PCDHGA3: variants seen among roughly 807,000 people sequenced by gnomAD.
PCDHGA3 encodes the protein protocadherin gamma-A3.
In PCDHGA3, 40 loss-of-function variants were observed where a neutral mutation model predicts 58.5. That is an observed-to-expected ratio of 0.68 (90% CI 0.53 to 0.89). The LOEUF (loss-of-function observed/expected upper bound fraction) is 0.89, where lower values mean the gene tolerates loss of function less well. PCDHGA3 is among the 40% of genes least tolerant of loss of function. PCDHGA3 has a pLI of 0.00. For synonymous variants in PCDHGA3, 530 were observed against 525.7 expected (o/e 1.01, Z -0.11); for missense variants, 1,223 against 1,195.9 (o/e 1.02, Z -0.33).
chr5:141,372,098 G>C (rs2149999180), intron 1 of PCDHGA3: 1 of 1,613,794 alleles, frequency 6.2e-7, no homozygotes, highest in Middle Eastern at 1.7e-4. Flanking sequence ...CAGCTCTGGG[G>C]CCCGAAGGCT....
At chr5:141,397,462 G>A (rs1415733475) in intron 1 of PCDHGA3, among the ~76,000 whole-genome samples, 1 of 152,152 alleles carries the variant, frequency 6.6e-6, no homozygotes, top group Non-Finnish European at 1.5e-5. Context: ...TAGAAATATT[G>A]GGGAGTTGGA....
At chr5:141,499,606 C>T (rs2099792968) in intron 2 of PCDHGA3, among the ~76,000 whole-genome samples, 1 of 152,028 alleles carries the variant, frequency 6.6e-6, no homozygotes, top group African/African-American at 2.4e-5. Context: ...TATCCCTACC[C>T]TTATCCTGTC....
At chr5:141,384,593 C>A (rs1449911634) in intron 1 of PCDHGA3, 3 of 1,614,252 alleles carry the variant, frequency 1.9e-6, no homozygotes, top group South Asian at 1.1e-5. Context: ...ATCCTGTACC[C>A]GGCCCTCCCC....
At chr5:141,384,596 C>T in intron 1 of PCDHGA3, 1 of 1,614,240 alleles carries the variant, frequency 6.2e-7, no homozygotes. Context: ...CTGTACCCGG[C>T]CCTCCCCACA....
intron 3 of PCDHGA3, among the ~76,000 whole-genome samples, chr5:141,510,329 A>T (rs1433056614): frequency 2.7e-5 from 4 of 150,230 alleles, no homozygotes; most frequent in Admixed American, 2.7e-4. Flanking sequence ...AGCACTCTTC[A>T]CCCCCACCCC....
At chr5:141,352,676 T>A (rs1759076682) in intron 1 of PCDHGA3, 2 of 1,573,452 alleles carry the variant, frequency 1.3e-6, no homozygotes, top group Non-Finnish European at 1.7e-6. Flanking sequence ...GCACGTGAGT[T>A]TCTGCAAATC....
At chr5:141,455,534 A>G (rs985347185) in intron 1 of PCDHGA3, among the ~76,000 whole-genome samples, 1 of 152,178 alleles carries the variant, frequency 6.6e-6, no homozygotes, top group Non-Finnish European at 1.5e-5. Flanking sequence ...GACCAGGCAT[A>G]TCATTCACGT....
intron 1 of PCDHGA3, chr5:141,372,054 G>A (rs377450479): frequency 3.1e-6 from 5 of 1,613,396 alleles, no homozygotes; most frequent in Middle Eastern, 1.7e-4. Context: ...GTTGGTGGAC[G>A]ACCGCAACGA....
At chr5:141,506,597 C>T (rs937487600) in intron 3 of PCDHGA3, among the ~76,000 whole-genome samples, 4 of 152,150 alleles carry the variant, frequency 2.6e-5, no homozygotes, top group Admixed American at 6.5e-5. Context: ...ACAGTATTAA[C>T]GGATCTCATT....
At chr5:141,502,864 G>GTTTTTTTT in intron 2 of PCDHGA3, among the ~76,000 whole-genome samples, 3 of 61,566 alleles carry the variant, frequency 4.9e-5, no homozygotes, top group African/African-American at 2.4e-4. Context: ...CTGACTCTCT[G>GTTTTTTTT]TCTTTTTTTT....
In PCDHGA3 at chr5:141,476,141, G is replaced by A. The variant is rs1011341002; in HGVS notation, c.2425-18666G>A. On this transcript the variant is annotated intron_variant, in intron 1 of 3. Coordinates refer to ENST00000253812, the MANE Select transcript of PCDHGA3 (RefSeq NM_018916.4). This position sits in a 1 kb window ranked among gnomAD's most constrained non-coding sequence, Gnocchi z 7.6. ...GATGGTCCCAGAGGCCTGGAGGAGCGGACTGGTAAGCACCGGGAGGGTAGT... is the reference window on the plus strand; with the variant it reads ...GATGGTCCCAGAGGCCTGGAGGAGCAGACTGGTAAGCACCGGGAGGGTAGT... 5.6e-6 allele frequency: 9 copies of A among 1,609,928 alleles called. No homozygotes were observed. Among genetic ancestry groups the A allele is most frequent in the Non-Finnish European group, 7.6e-6 (9 of 1,178,880 alleles).
chr5:141,416,458 G>A (rs1391820726), intron 1 of PCDHGA3: 1 of 152,194 alleles, frequency 6.6e-6, no homozygotes, highest in Non-Finnish European at 1.5e-5. Flanking sequence ...TGGGAAGACA[G>A]ATAAATTTGT....
At chr5:141,483,812 A>C (rs1188806533) in intron 1 of PCDHGA3, among the ~76,000 whole-genome samples, 2 of 152,162 alleles carry the variant, frequency 1.3e-5, no homozygotes, top group Non-Finnish European at 2.9e-5. Context: ...TTTTTTTGGC[A>C]GCCAGTGTAA....
chr5:141,371,751 C>T (rs1768003581), intron 1 of PCDHGA3: 1 of 1,613,918 alleles, frequency 6.2e-7, no homozygotes. Flanking sequence ...TCCCGTTTTC[C>T]ACCAGGCCTC....
chr5:141,427,429 G>A (rs2097025761), intron 1 of PCDHGA3: 1 of 471,078 alleles, frequency 2.1e-6, no homozygotes, highest in African/African-American at 2.0e-5. Flanking sequence ...GAGGTTACAT[G>A]CCTCATAAAC....
In PCDHGA3 at chr5:141,418,939, C is replaced by T. The variant is rs766248741; in HGVS notation, c.2424+72482C>T. The T allele has an allele frequency of 8.7e-6, 14 of 1,613,642 alleles. No individual in the cohort carries two copies. In the African/African-American group the frequency reaches 1.7e-4, roughly 20 times the overall value. On this transcript the variant is annotated intron_variant, in intron 1 of 3. Transcript: ENST00000253812. ...TCTCTGATCAGATTATGGAGGATTC[C>T]CCTCCAGGAGTGGTTGTTGCCCTCT...
At chr5:141,366,499 C>G (rs1245088091) in intron 1 of PCDHGA3, 2 of 1,614,262 alleles carry the variant, frequency 1.2e-6, no homozygotes, top group Non-Finnish European at 1.7e-6. Context: ...ACAAGTCACG[C>G]CTGCTTCAGG....
intron 1 of PCDHGA3, chr5:141,394,938 G>C: frequency 6.2e-7 from 1 of 1,613,780 alleles, no homozygotes; most frequent in Admixed American, 1.7e-5. Context: ...CGCCTTTGTC[G>C]CTGTGCTTCT....
intron 1 of PCDHGA3, among the ~76,000 whole-genome samples, chr5:141,368,962 C>T (rs562789740): frequency 6.6e-6 from 1 of 152,310 alleles, no homozygotes; most frequent in South Asian, 2.1e-4. Context: ...GTTTAAGATG[C>T]TATAATGCTT....
Sources: gnomAD v4.1 joint callset for allele counts (sites outside exome capture counted in the v4.1 genomes callset) on GRCh38, gnomAD v4.1.1 for gene constraint, Gnocchi (gnomAD v3.1) non-coding constraint, MANE v1.5 for transcripts, NCBI Gene and HGNC (gene_info 2026-07-23, HGNC 2026-07-21) for gene names.